The following DIO2 variants were observed in gnomAD, a reference collection of about 807,000 sequenced individuals.
DIO2 encodes type II iodothyronine deiodinase.
In DIO2, 19 loss-of-function variants were observed where a neutral mutation model predicts 21.4. The ratio of observed to expected loss-of-function variants is 0.89; its 90% confidence interval spans 0.62 to 1.30. The LOEUF is 1.30. DIO2 is among the 50% of genes most tolerant of loss of function. DIO2 has a pLI of 0.00. For missense variants in DIO2, 302 were observed against 338.1 expected (o/e 0.89, Z 0.84); for synonymous variants, 122 against 132.9 (o/e 0.92, Z 0.57).
At chr14:80,213,203 T>C (rs952816104), upstream of DIO2, among the ~76,000 whole-genome samples, 4 of 152,234 alleles carry the variant, frequency 2.6e-5, no homozygotes, top group African/African-American at 9.6e-5. Context: ...GACAATGCTT[T>C]GGCAGAATGG....
chr14:80,210,062 T>C (rs1709328393), intron 1 of DIO2, among the ~76,000 whole-genome samples: 1 of 152,230 alleles, frequency 6.6e-6, no homozygotes, highest in Non-Finnish European at 1.5e-5. Flanking sequence ...AACACCTGGC[T>C]TCTATATTCC....
Position 80,197,608 on chromosome 14 carries a change from A to G in DIO2, c.*5081T>C, listed in dbSNP as rs1452913707. ...ACATAGCACTCAGCACCAATATGATAACACTCTTTCTACTGATAATCTCCC... is the reference window on the plus strand; with the variant it reads ...ACATAGCACTCAGCACCAATATGATGACACTCTTTCTACTGATAATCTCCC... On this transcript the variant is annotated 3_prime_UTR_variant, in exon 2 of 2. Coordinates refer to ENST00000438257, the MANE Select transcript of DIO2 (RefSeq NM_013989.5). 1 of 152,658 alleles carries G rather than the reference A, an allele frequency of 6.6e-6. No individual in the cohort carries two copies. Among genetic ancestry groups the G allele is most frequent in the Non-Finnish European group, 1.5e-5 (1 of 68,044 alleles). 9.5% of individuals were successfully genotyped at this position (152,658 alleles called of 1,614,324 possible). A position where few individuals can be genotyped will look rare whatever the true frequency, so the allele number is the denominator to read the frequency against.
At chr14:80,212,391 A>G (rs1888243818), upstream of DIO2, among the ~76,000 whole-genome samples, 1 of 152,064 alleles carries the variant, frequency 6.6e-6, no homozygotes, top group Non-Finnish European at 1.5e-5. Flanking sequence ...TTTGTGATTT[A>G]AAGAGAGAAA....
At position 80,202,369 on chromosome 14, in the gene DIO2, T is replaced by C. The variant is rs765121680; in HGVS notation, c.*320A>G. ...TTCAGGTAAGTCTTTTCTTCTGGTC[T>C]CAAAGCATGCATCAGATGTATCAGT... On this transcript the variant is annotated 3_prime_UTR_variant, in exon 2 of 2. Coordinates refer to ENST00000438257, the MANE Select transcript of DIO2 (RefSeq NM_013989.5). 5 of 587,422 alleles carry C rather than the reference T, an allele frequency of 8.5e-6. No individual in the cohort carries two copies. Among genetic ancestry groups the C allele is most frequent in the Non-Finnish European group, 1.6e-5 (5 of 305,786 alleles). The allele number at this position is 587,422 out of a possible 1,614,324, so 36.4% of individuals were successfully genotyped here.
intron 1 of DIO2, among the ~76,000 whole-genome samples, chr14:80,207,453 T>C (rs1431647309): frequency 1.3e-5 from 2 of 152,200 alleles, no homozygotes; most frequent in East Asian, 3.8e-4. Flanking sequence ...TGAGAAAGCC[T>C]TGTGGACAAT....
intron 2 of DIO2, among the ~76,000 whole-genome samples, chr14:80,230,380 C>T (rs535607597): frequency 2.0e-5 from 3 of 152,288 alleles, no homozygotes; most frequent in South Asian, 4.1e-4. Context: ...TGTTTTTCCA[C>T]AATTTCAGCT....
Position 80,198,230 on chromosome 14 carries a change from A to G in DIO2, c.*4459T>C, listed in dbSNP as rs1170930758. 6.6e-6 allele frequency: 1 copy of G among 152,592 alleles called. No homozygotes were observed. The highest frequency in any genetic ancestry group is 1.9e-4 in the East Asian group (1 of 5,180). The allele number at this position is 152,592 out of a possible 1,614,324, so 9.5% of individuals were successfully genotyped here. ...TCTTCGAAGTCTCAGTAAATATTGA[A>G]TAAGCTCCCTGGAGCTCTGCTGTTG... is the stretch of plus-strand genomic sequence containing the variant. On this transcript the variant is annotated 3_prime_UTR_variant, in exon 2 of 2. Coordinates refer to ENST00000438257, the MANE Select transcript of DIO2 (RefSeq NM_013989.5).
In DIO2 at chr14:80,199,777, T is replaced by C. The variant is rs751306743; in HGVS notation, c.*2912A>G. On this transcript the variant is annotated 3_prime_UTR_variant, in exon 2 of 2. Transcript: ENST00000438257. ...TTAAAAGGCTAAACCGATAGCTCCA[T>C]GTAAACACAGCCTATGGGAGAAACA... 2 of 152,588 alleles carry C rather than the reference T, an allele frequency of 1.3e-5. No homozygotes were observed. The highest frequency in any genetic ancestry group is 2.9e-5 in the Non-Finnish European group (2 of 68,016). 9.5% of individuals were successfully genotyped at this position (152,588 alleles called of 1,614,324 possible). A position where few individuals can be genotyped will look rare whatever the true frequency, so the allele number is the denominator to read the frequency against.
chr14:80,209,541 T>C (rs763101221), intron 1 of DIO2, among the ~76,000 whole-genome samples: 3 of 152,152 alleles, frequency 2.0e-5, no homozygotes, highest in Non-Finnish European at 2.9e-5. Context: ...GCCTCCAAAT[T>C]GCCTTCCACT....
In DIO2 at chr14:80,202,134, TGA is replaced by T. The variant is rs1887753152; in HGVS notation, c.*553_*554del. The T allele has an allele frequency of 8.9e-6, 3 of 335,848 alleles. No individual in the cohort carries two copies. The highest frequency in any genetic ancestry group is 8.4e-5 in the Admixed American group (2 of 23,892). 20.8% of individuals were successfully genotyped at this position (335,848 alleles called of 1,614,324 possible). On this transcript the variant is annotated 3_prime_UTR_variant, in exon 2 of 2. Coordinates refer to ENST00000438257, the MANE Select transcript of DIO2 (RefSeq NM_013989.5). ...CCAATAATTTCTGGGGTATGAAGACTGAGAGCACTACATGGCTAGAAGCTGGA... is the reference window on the plus strand; with the variant it reads ...CCAATAATTTCTGGGGTATGAAGACTGAGCACTACATGGCTAGAAGCTGGA...
intron 1 of DIO2, among the ~76,000 whole-genome samples, chr14:80,203,967 G>A (rs1363210219): frequency 1.3e-5 from 2 of 152,174 alleles, no homozygotes; most frequent in East Asian, 3.9e-4. Context: ...AGGACAACAT[G>A]AGAAAAAGAG....
Position 80,222,860 on chromosome 14 carries a change from C to CTTTTT in DIO2, c.-277-6128_-277-6124dup, listed in dbSNP as rs200049777. On this transcript the variant is annotated intron_variant, in intron 2 of 4. Coordinates refer to the DIO2 transcript ENST00000553594. ...AAATGGAAGTATTATTTCTTTGTTT[C>CTTTTT]TTTTTTTTTTTTTTTGAGACAGGGT... Among the ~76,000 whole-genome samples the CTTTTT allele has an allele frequency of 1.5e-3, 212 of 138,816 alleles. 2 individuals are homozygous for CTTTTT. Among genetic ancestry groups the CTTTTT allele is most frequent in the African/African-American group, 5.4e-3 (204 of 38,088 alleles). 91.1% of individuals were successfully genotyped at this position (138,816 alleles called of 152,430 possible).
chr14:80,228,960 C>A (rs2140025691), intron 2 of DIO2, among the ~76,000 whole-genome samples: 1 of 152,236 alleles, frequency 6.6e-6, no homozygotes, highest in East Asian at 1.9e-4. Context: ...GGTTGGAGGT[C>A]TCCTTAGGGA....
At chr14:80,224,465 G>A (rs1888529076) in intron 2 of DIO2, among the ~76,000 whole-genome samples, 1 of 146,956 alleles carries the variant, frequency 6.8e-6, no homozygotes, top group African/African-American at 2.5e-5. Flanking sequence ...GCCACCTCAT[G>A]TGTCTTTATA....
intron 2 of DIO2, among the ~76,000 whole-genome samples, chr14:80,217,736 T>C (rs566929923): frequency 6.6e-6 from 1 of 152,310 alleles, no homozygotes; most frequent in South Asian, 2.1e-4. Flanking sequence ...ATGTCTGCCT[T>C]CCCAAAATAA....
chr14:80,228,853 G>T (rs993802112), intron 2 of DIO2, among the ~76,000 whole-genome samples: 1 of 152,084 alleles, frequency 6.6e-6, no homozygotes, highest in African/African-American at 2.4e-5. Flanking sequence ...GACATTTTGG[G>T]TCCCCTGGAA....
intron 1 of DIO2, among the ~76,000 whole-genome samples, chr14:80,209,447 C>A (rs1888078521): frequency 6.6e-6 from 1 of 151,628 alleles, no homozygotes; most frequent in South Asian, 2.1e-4. Flanking sequence ...TCCATGGTAT[C>A]TGCTAACACG....
In DIO2 at chr14:80,203,101, G is replaced by C. The variant is rs776352519; in HGVS notation, c.410C>G (p.Thr137Arg). 1.2e-6 allele frequency: 2 copies of C among 1,613,850 alleles called. No homozygotes were observed. Among genetic ancestry groups the C allele is most frequent in the Non-Finnish European group, 8.5e-7 (1 of 1,179,850 alleles). ...TTTGCGGAAGGCTGGCAGCTGGCTCGTGAAAGGAGGTCAAGTGGCTGAGCC... is the reference window on the plus strand; with the variant it reads ...TTTGCGGAAGGCTGGCAGCTGGCTCCTGAAAGGAGGTCAAGTGGCTGAGCC... ...NFGSATUPPF[T>R]SQLPAFRKLV... is the part of the protein sequence containing the mutation. Residue 137 changes from threonine (T) to arginine (R), a missense_variant, in exon 2 of 2, where the codon ACG (threonine) becomes AGG (arginine). By Grantham distance (71) the Thr-to-Arg change is moderately conservative. Transcript: ENST00000438257.
At position 80,201,196 on chromosome 14, in the gene DIO2, T is replaced by C. The variant is rs2139993379; in HGVS notation, c.*1493A>G. 6.6e-6 allele frequency: 1 copy of C among 151,914 alleles called. No homozygotes were observed. The highest frequency in any genetic ancestry group is 2.1e-4 in the South Asian group (1 of 4,820). The allele number at this position is 151,914 out of a possible 1,614,324, so 9.4% of individuals were successfully genotyped here. A position where few individuals can be genotyped will look rare whatever the true frequency, so the allele number is the denominator to read the frequency against. ...AAAATAGCATTATAATCATATACTA[T>C]AGGGACTTTAGATTACTAAACCTCA... On this transcript the variant is annotated 3_prime_UTR_variant, in exon 2 of 2. Coordinates refer to ENST00000438257, the MANE Select transcript of DIO2 (RefSeq NM_013989.5).
Sources: gnomAD v4.1 joint callset for allele counts (sites outside exome capture counted in the v4.1 genomes callset) on GRCh38, gnomAD v4.1.1 for gene constraint, MANE v1.5 for transcripts, NCBI Gene and HGNC (gene_info 2026-07-23, HGNC 2026-07-21) for gene names.